PITPNC1: variants seen among roughly 807,000 people sequenced by gnomAD.
PITPNC1 encodes the protein phosphatidylinositol transfer protein cytoplasmic 1, also known as cytoplasmic phosphatidylinositol transfer protein 1.
PITPNC1 carries 18 observed loss-of-function variants against 44.7 expected under a neutral mutation model. The ratio of observed to expected loss-of-function variants is 0.40; its 90% confidence interval spans 0.28 to 0.60. PITPNC1 has a LOEUF of 0.60. Among genes scored for constraint, PITPNC1 ranks in the 20% least tolerant of loss-of-function variants. The pLI is 0.39. For missense variants in PITPNC1, 290 were observed against 418.4 expected, an observed-to-expected ratio of 0.69 and a Z score of 2.68; for synonymous variants, 141 against 149.6, an observed-to-expected ratio of 0.94 and a Z score of 0.42.
intron 1 of PITPNC1, among the ~76,000 whole-genome samples, chr17:67,441,109 C>G (rs1289726604): frequency 6.6e-6 from 1 of 152,138 alleles, no homozygotes; most frequent in Non-Finnish European, 1.5e-5. Context: ...GCTTTGAACA[C>G]TCAAACATCC....
At chr17:67,461,749 GGCTGCAGTGA>G (rs1343796341) in intron 1 of PITPNC1, among the ~76,000 whole-genome samples, 1 of 152,226 alleles carries the variant, frequency 6.6e-6, no homozygotes, top group Non-Finnish European at 1.5e-5. Context: ...AGAAGTCTGA[GGCTGCAGTGA>G]GCTGTGACTG....
chr17:67,666,901 G>A (rs577332315), intron 6 of PITPNC1, among the ~76,000 whole-genome samples: 2 of 152,344 alleles, frequency 1.3e-5, no homozygotes, highest in East Asian at 3.9e-4. Context: ...CCAGATCTGA[G>A]AGAATAAACC....
chr17:67,607,484 G>C (rs542606172), intron 5 of PITPNC1, among the ~76,000 whole-genome samples: 1 of 152,334 alleles, frequency 6.6e-6, no homozygotes, highest in South Asian at 2.1e-4. Flanking sequence ...GCTCAATCTT[G>C]CTGCTTGCTC....
intron 1 of PITPNC1, among the ~76,000 whole-genome samples, chr17:67,465,000 A>G (rs982113809): frequency 2.0e-5 from 3 of 152,142 alleles, no homozygotes; most frequent in Admixed American, 1.3e-4. Flanking sequence ...TGGTCTCCCA[A>G]AGTGCTGGGA....
intron 5 of PITPNC1, among the ~76,000 whole-genome samples, chr17:67,588,855 G>A (rs1568054594): frequency 6.6e-6 from 1 of 152,072 alleles, no homozygotes; most frequent in South Asian, 2.1e-4. Context: ...TCCTTAAATG[G>A]CTTCTAATTG....
At chr17:67,555,057 C>T (rs2040817942) in intron 4 of PITPNC1, among the ~76,000 whole-genome samples, 1 of 151,822 alleles carries the variant, frequency 6.6e-6, no homozygotes, top group Non-Finnish European at 1.5e-5. Flanking sequence ...TAGTATTTCC[C>T]CCCGCAATGT....
rs1483723278 is a variant in PITPNC1, at chr17:67,533,687, AAAAC to A, written c.197+743_197+746del. Among the ~76,000 whole-genome samples the A allele has an allele frequency of 7.9e-5, 12 of 152,296 alleles. No homozygotes were observed. The East Asian group carries it at 1.7e-3, about 22-fold the overall frequency. On this transcript the variant is annotated intron_variant, in intron 2 of 8. Coordinates refer to ENST00000581322, the MANE Select transcript of PITPNC1 (RefSeq NM_012417.4). ...CTTGGGTGTCCGAAAAGGGAATGAC[AAAAC>A]AAACAGTCACCTGTGACCAAAGTGG...
chr17:67,563,852 C>T (rs2040937506), intron 4 of PITPNC1, among the ~76,000 whole-genome samples: 1 of 151,378 alleles, frequency 6.6e-6, no homozygotes, highest in South Asian at 2.1e-4. Context: ...AGAGACAGAA[C>T]CAATGGTGGG....
In PITPNC1 at chr17:67,556,339, T is replaced by G. The variant is rs113970097; in HGVS notation, c.294+2722T>G. Among the ~76,000 whole-genome samples, 1,253 of 152,312 alleles carry G rather than the reference T, an allele frequency of 8.2e-3. 15 individuals carry two copies. The highest frequency in any genetic ancestry group is 0.029 in the African/African-American group (1,211 of 41,562). ...AGATAAGGTTGTCAACCTTAGTAAG[T>G]GAAAATACAGAATGTCCAGGTAACT... On this transcript the variant is annotated intron_variant, in intron 4 of 8. Coordinates refer to ENST00000581322, the MANE Select transcript of PITPNC1 (RefSeq NM_012417.4).
At chr17:67,567,530 G>T (rs577150743) in intron 4 of PITPNC1, among the ~76,000 whole-genome samples, 1 of 151,792 alleles carries the variant, frequency 6.6e-6, no homozygotes, top group South Asian at 2.1e-4. Context: ...TATCAAGGAG[G>T]TGGGGAAGTT....
In PITPNC1 at chr17:67,553,578, C is replaced by T. The variant is rs771606062; in HGVS notation, c.287-32C>T. On this transcript the variant is annotated intron_variant, in intron 3 of 8. Coordinates refer to ENST00000581322, the MANE Select transcript of PITPNC1 (RefSeq NM_012417.4). ...ATCATCTTTTGTCTCTTTTTTCTTT[C>T]CTCTCTTCTTCAAATGAACATGTGG... 5 of 1,113,492 alleles carry T rather than the reference C, an allele frequency of 4.5e-6. No individual in the cohort carries two copies. In the Admixed American group the frequency reaches 8.5e-5, roughly 19 times the overall value. 69.0% of individuals were successfully genotyped at this position (1,113,492 alleles called of 1,614,324 possible).
intron 1 of PITPNC1, among the ~76,000 whole-genome samples, chr17:67,493,674 G>T (rs937759646): frequency 6.6e-6 from 1 of 152,154 alleles, no homozygotes; most frequent in African/African-American, 2.4e-5. Context: ...CTTTGACCTT[G>T]GAAATACTGG....
chr17:67,406,808 A>C (rs1179390272), intron 1 of PITPNC1, among the ~76,000 whole-genome samples: 1 of 152,062 alleles, frequency 6.6e-6, no homozygotes, highest in Non-Finnish European at 1.5e-5. Flanking sequence ...GTTGGTCTCA[A>C]GCTCCTGGCC....
At chr17:67,388,754 G>A (rs1218386457) in intron 1 of PITPNC1, among the ~76,000 whole-genome samples, 1 of 151,992 alleles carries the variant, frequency 6.6e-6, no homozygotes, top group East Asian at 1.9e-4. Flanking sequence ...CTTAGTAGCT[G>A]AGACTACAGA....
chr17:67,504,612 A>G (rs1230690061), intron 1 of PITPNC1, among the ~76,000 whole-genome samples: 3 of 152,238 alleles, frequency 2.0e-5, no homozygotes, highest in Non-Finnish European at 4.4e-5. Context: ...TTTCAATATC[A>G]GGGGAATTCA....
rs1198628868 is a variant in PITPNC1 at position 67,697,090 on chromosome 17, C to T, written c.*4202C>T. 1 of 152,084 alleles carries T rather than the reference C, an allele frequency of 6.6e-6. No individual in the cohort carries two copies. The highest frequency in any genetic ancestry group is 6.6e-5 in the Admixed American group (1 of 15,262). The allele number at this position is 152,084 out of a possible 1,614,324, so 9.4% of individuals were successfully genotyped here. A position where few individuals can be genotyped will look rare whatever the true frequency, so the allele number is the denominator to read the frequency against. The stretch of plus-strand genomic sequence containing the variant: ...TGCTGAAGGACCAGGTGTTGGAATA[C>T]ACAGCATTACAGACTATAAGCAAAG... On this transcript the variant is annotated 3_prime_UTR_variant, in exon 9 of 9. Transcript: ENST00000581322.
At chr17:67,692,208 C>G (rs2042939768) in intron 8 of PITPNC1, among the ~76,000 whole-genome samples, 1 of 152,076 alleles carries the variant, frequency 6.6e-6, no homozygotes, top group African/African-American at 2.4e-5. Context: ...TACCCCACAC[C>G]AGACCCACAA....
chr17:67,556,021 T>G (rs1289643281), intron 4 of PITPNC1, among the ~76,000 whole-genome samples: 1 of 152,130 alleles, frequency 6.6e-6, no homozygotes, highest in Non-Finnish European at 1.5e-5. Flanking sequence ...GTGCTGGGCT[T>G]TTCTGGAGGC....
intron 1 of PITPNC1, among the ~76,000 whole-genome samples, chr17:67,468,144 G>C (rs970171168): frequency 7.2e-5 from 11 of 152,168 alleles, no homozygotes; most frequent in African/African-American, 2.7e-4. Flanking sequence ...TCTTGGTCTT[G>C]GTTGTCAGGC....
Sources: allele counts gnomAD v4.1 joint callset (sites outside exome capture counted in the v4.1 genomes callset), GRCh38; gene constraint gnomAD v4.1.1; transcripts MANE v1.5; gene names NCBI Gene and HGNC (gene_info 2026-07-23, HGNC 2026-07-21).